The following MRPS27 variants were observed in gnomAD, a reference collection of about 807,000 sequenced individuals.
MRPS27 encodes mitochondrial ribosomal protein S27.
A neutral mutation model predicts 48.9 loss-of-function variants in MRPS27; 43 were observed. The observed-to-expected ratio is 0.88, with a 90% CI of 0.69 to 1.13. The LOEUF (loss-of-function observed/expected upper bound fraction) is 1.13. MRPS27 is among the 50% of genes most tolerant of loss of function. The pLI, the probability that MRPS27 is intolerant of heterozygous loss-of-function variation, is 0.00. For synonymous variants in MRPS27, 188 were observed against 171.9 expected (o/e 1.09, Z -0.73); for missense variants, 467 against 476.3 (o/e 0.98, Z 0.18).
intron 4 of MRPS27, among the ~76,000 whole-genome samples, chr5:72,250,499 T>A (rs1259479951): frequency 6.6e-6 from 1 of 152,138 alleles, no homozygotes; most frequent in African/African-American, 2.4e-5. Context: ...GAGGACTCGA[T>A]GCCACTTTCA....
At chr5:72,285,075 C>G (rs1002282266) in intron 4 of MRPS27, among the ~76,000 whole-genome samples, 1 of 152,168 alleles carries the variant, frequency 6.6e-6, no homozygotes, top group African/African-American at 2.4e-5. Context: ...TATATATCCA[C>G]TAGCAATGTA....
At chr5:72,284,909 C>T (rs771341783) in intron 4 of MRPS27, among the ~76,000 whole-genome samples, 7 of 152,046 alleles carry the variant, frequency 4.6e-5, no homozygotes, top group Non-Finnish European at 7.4e-5. Flanking sequence ...TATTGATGGA[C>T]GTAATCTTTT....
chr5:72,309,978 G>A (rs1281932543), intron 2 of MRPS27, among the ~76,000 whole-genome samples: 3 of 152,186 alleles, frequency 2.0e-5, no homozygotes, highest in Non-Finnish European at 4.4e-5. Flanking sequence ...CTGCAATGCT[G>A]AGACTGTCCC....
At chr5:72,222,918 G>A (rs781194433) in intron 10 of MRPS27, among the ~76,000 whole-genome samples, 1 of 152,170 alleles carries the variant, frequency 6.6e-6, no homozygotes, top group Non-Finnish European at 1.5e-5. Context: ...ATCTAGCAAA[G>A]TTTACATCTT....
chr5:72,238,963 G>C (rs940122922), intron 4 of MRPS27, among the ~76,000 whole-genome samples: 1 of 150,478 alleles, frequency 6.6e-6, no homozygotes, highest in Non-Finnish European at 1.5e-5. Context: ...GCGAGATGGG[G>C]GTGGAAAGGG....
At chr5:72,255,680 TAA>T (rs1468557489) in intron 4 of MRPS27, among the ~76,000 whole-genome samples, 4 of 152,340 alleles carry the variant, frequency 2.6e-5, no homozygotes, top group African/African-American at 7.2e-5. Context: ...CTATATAAGG[TAA>T]GTATATTATC....
intron 1 of MRPS27, among the ~76,000 whole-genome samples, chr5:72,317,674 G>C (rs914123254): frequency 6.7e-6 from 1 of 150,140 alleles, no homozygotes; most frequent in Non-Finnish European, 1.5e-5. Flanking sequence ...CACCACACCC[G>C]GCCTAATTTT....
intron 2 of MRPS27, among the ~76,000 whole-genome samples, chr5:72,308,293 C>T (rs555835483): frequency 6.6e-6 from 1 of 152,386 alleles, no homozygotes; most frequent in African/African-American, 2.4e-5. Flanking sequence ...CCCGGCAGGG[C>T]ACGGCTCAGG....
At chr5:72,317,312 T>C (rs907031709) in intron 1 of MRPS27, among the ~76,000 whole-genome samples, 51 of 152,158 alleles carry the variant, frequency 3.4e-4, no homozygotes, top group African/African-American at 1.2e-3. Flanking sequence ...AACAATAAGG[T>C]TTCCAAAGAC....
chr5:72,280,926 T>A (rs1749517420), intron 4 of MRPS27, among the ~76,000 whole-genome samples: 2 of 152,352 alleles, frequency 1.3e-5, no homozygotes, highest in South Asian at 4.1e-4. Flanking sequence ...GGTACACGTA[T>A]GACAGATTTG....
chr5:72,255,920 A>G (rs1748792072), intron 4 of MRPS27, among the ~76,000 whole-genome samples: 1 of 152,254 alleles, frequency 6.6e-6, no homozygotes, highest in African/African-American at 2.4e-5. Flanking sequence ...CAAGGAATCA[A>G]TAAACCAGGG....
chr5:72,277,549 A>C (rs1749409839), intron 4 of MRPS27, among the ~76,000 whole-genome samples: 1 of 152,066 alleles, frequency 6.6e-6, no homozygotes, highest in South Asian at 2.1e-4. Context: ...GGTTGCAGTG[A>C]GCCGAGATCT....
intron 4 of MRPS27, among the ~76,000 whole-genome samples, chr5:72,294,378 G>A (rs567819563): frequency 1.3e-5 from 2 of 152,014 alleles, no homozygotes; most frequent in Non-Finnish European, 2.9e-5. Context: ...AAATTCTCTT[G>A]ATCAAAACAA....
chr5:72,273,466 C>T (rs1293254653), intron 4 of MRPS27, among the ~76,000 whole-genome samples: 1 of 152,156 alleles, frequency 6.6e-6, no homozygotes. Flanking sequence ...GTGTGAACAT[C>T]ACAGAGTTTA....
At chr5:72,273,282 G>A (rs1357262448) in intron 4 of MRPS27, among the ~76,000 whole-genome samples, 1 of 152,110 alleles carries the variant, frequency 6.6e-6, no homozygotes, top group Non-Finnish European at 1.5e-5. Flanking sequence ...GAGAAAGTGA[G>A]AAAAAATTAG....
intron 6 of MRPS27, among the ~76,000 whole-genome samples, chr5:72,233,546 C>T (rs1254875500): frequency 6.6e-6 from 1 of 152,028 alleles, no homozygotes; most frequent in East Asian, 1.9e-4. Context: ...TGTTCCTACC[C>T]AGCTGGTTTT....
At chr5:72,283,312 A>G (rs1340924180) in intron 4 of MRPS27, among the ~76,000 whole-genome samples, 1 of 152,158 alleles carries the variant, frequency 6.6e-6, no homozygotes, top group Non-Finnish European at 1.5e-5. Context: ...GGTTTAATTA[A>G]TTCTATGTCA....
intron 4 of MRPS27, among the ~76,000 whole-genome samples, chr5:72,281,718 G>A (rs1749538332): frequency 6.6e-6 from 1 of 152,192 alleles, no homozygotes; most frequent in South Asian, 2.1e-4. Flanking sequence ...GTGTAAGTGT[G>A]TAAGTCTGTT....
chr5:72,258,399 G>A (rs1022866754), intron 4 of MRPS27, among the ~76,000 whole-genome samples: 6 of 152,134 alleles, frequency 3.9e-5, no homozygotes, highest in Admixed American at 2.0e-4. Context: ...GAATCACCTT[G>A]TTTTCATGAT....
Sources: allele counts gnomAD v4.1 joint callset (sites outside exome capture counted in the v4.1 genomes callset), GRCh38; gene constraint gnomAD v4.1.1; transcripts MANE v1.5; gene names NCBI Gene and HGNC (gene_info 2026-07-23, HGNC 2026-07-21).